The following XPO6 variants were observed in gnomAD, a reference collection of about 807,000 sequenced individuals.
XPO6 encodes the protein exportin 6, also known as exportin-6.
XPO6 carries 3 observed loss-of-function variants against 130.0 expected under a neutral mutation model. That is an observed-to-expected ratio of 0.02 (90% CI 0.01 to 0.06). The LOEUF (loss-of-function observed/expected upper bound fraction) is 0.06, where lower values mean the gene tolerates loss of function less well. XPO6 is among the 10% of genes least tolerant of loss of function. The probability of loss-of-function intolerance (pLI) is 1.00; values close to 1 mark genes in which losing one functional copy is unlikely to be tolerated. For synonymous variants in XPO6, 524 were observed against 548.9 expected (o/e 0.95, Z 0.63); for missense variants, 970 against 1,393.0 (o/e 0.70, Z 4.83).
intron 6 of XPO6, among the ~76,000 whole-genome samples, chr16:28,161,578 A>C (rs900572460): frequency 2.0e-5 from 3 of 152,216 alleles, no homozygotes; most frequent in Non-Finnish European, 4.4e-5. Flanking sequence ...AAGGAAAAAA[A>C]AAAACAAAAC....
At chr16:28,191,433 C>A (rs1250572591) in intron 1 of XPO6, among the ~76,000 whole-genome samples, 2 of 152,200 alleles carry the variant, frequency 1.3e-5, no homozygotes, top group Non-Finnish European at 2.9e-5. Context: ...ATGTTTATAT[C>A]TGCATGCCTA....
At chr16:28,133,735 TAGAGGGGAA>T (rs1231114724) in intron 11 of XPO6, 97 bp downstream of exon 11, 2 of 968,960 alleles carry the variant, frequency 2.1e-6, no homozygotes, top group Non-Finnish European at 1.6e-6. Flanking sequence ...AAAAATTACA[TAGAGGGGAA>T]AGAGGGGAGA....
At chr16:28,177,959 C>G (rs2043558534) in intron 2 of XPO6, among the ~76,000 whole-genome samples, 1 of 152,174 alleles carries the variant, frequency 6.6e-6, no homozygotes, top group South Asian at 2.1e-4. Flanking sequence ...TAGCCCTGTC[C>G]ACACATCACG....
chr16:28,145,552 ATTTTCCTATATC>A (rs896495715), intron 9 of XPO6, among the ~76,000 whole-genome samples: 33 of 152,122 alleles, frequency 2.2e-4, no homozygotes, highest in African/African-American at 6.8e-4. Flanking sequence ...TCTTCCTTAC[ATTTTCCTATATC>A]TTTTCCTAGA....
intron 6 of XPO6, among the ~76,000 whole-genome samples, chr16:28,157,290 C>T (rs2043198939): frequency 6.6e-6 from 1 of 152,034 alleles, no homozygotes; most frequent in African/African-American, 2.4e-5. Flanking sequence ...AACCCTGTCT[C>T]TAGTAAAATA....
intron 6 of XPO6, among the ~76,000 whole-genome samples, chr16:28,158,117 A>G (rs2043212033): frequency 6.6e-6 from 1 of 152,190 alleles, no homozygotes; most frequent in South Asian, 2.1e-4. Flanking sequence ...AAGAAACAGA[A>G]TGACAGTTTT....
At chr16:28,171,026 GT>G (rs1244285485) in intron 4 of XPO6, among the ~76,000 whole-genome samples, 1 of 149,692 alleles carries the variant, frequency 6.7e-6, no homozygotes, top group Non-Finnish European at 1.5e-5. Context: ...AGCACTTCAA[GT>G]TTTTCCTTAA....
At chr16:28,109,888 A>T (rs1473397576) in intron 17 of XPO6, among the ~76,000 whole-genome samples, 1 of 152,240 alleles carries the variant, frequency 6.6e-6, no homozygotes, top group African/African-American at 2.4e-5. Flanking sequence ...GTCAGAGATG[A>T]AGTGTCAATT....
chr16:28,166,623 A>T, intron 5 of XPO6, 38 bp from the exon 6 acceptor site: 5 of 1,554,600 alleles, frequency 3.2e-6, no homozygotes, highest in Non-Finnish European at 4.4e-6. Flanking sequence ...AAGAGAAATA[A>T]TGTCCAGCAT....
In XPO6 at chr16:28,135,306, C is replaced by A; in HGVS notation, c.1353G>T (p.Val451=). The A allele has an allele frequency of 6.2e-7, 1 of 1,613,696 alleles. No homozygotes were observed. Among genetic ancestry groups the A allele is most frequent in the Non-Finnish European group, 8.5e-7 (1 of 1,179,794 alleles). The part of the protein sequence containing the change: ...AVLNRYEDAL[V]LLLTEVLNRI... ...GATTCAACACCTCTGTGAGCAGGAG[C>A]ACCAGGGCATCTTCGTACCTATGTG... Residue 451 remains valine (V), a synonymous_variant, in exon 10 of 24, where the codon GTG becomes GTT. Transcript: ENST00000304658.
chr16:28,185,532 A>G (rs1163533144), intron 1 of XPO6, among the ~76,000 whole-genome samples: 5 of 152,202 alleles, frequency 3.3e-5, no homozygotes, highest in Non-Finnish European at 7.3e-5. Context: ...CTGTGTAAAT[A>G]TATACTGCAA....
intron 17 of XPO6, chr16:28,111,550 T>G (rs1051551430): frequency 8.0e-6 from 3 of 374,702 alleles, no homozygotes; most frequent in Admixed American, 4.1e-5. Flanking sequence ...CACCAGTGTC[T>G]TCCATTTTTT....
chr16:28,152,756 C>A lies in XPO6; in HGVS notation c.1127G>T (p.Arg376Leu), dbSNP rs1057418870. ...SYIEKFTDFL[R>L]LFVSVHLRRI... ...TCTTAGGTGAACACTCACAAAGAGC[C>A]GAAGAAAGTCAGTAAACTTCTCGAT... The change falls in exon 8 of 24, where the codon CGG becomes CTG. Residue 376 changes from arginine (R) to leucine (L), a missense_variant. Physicochemically the swap from Arg to Leu is moderately radical, Grantham distance 102 (BLOSUM62 -2). Coordinates refer to ENST00000304658, the MANE Select transcript of XPO6 (RefSeq NM_015171.4). 3.7e-6 allele frequency: 6 copies of A among 1,612,720 alleles called. No individual in the cohort carries two copies. The highest frequency in any genetic ancestry group is 1.1e-5 in the South Asian group (1 of 90,792).
chr16:28,131,122 T>C (rs1309322668), intron 12 of XPO6, among the ~76,000 whole-genome samples: 1 of 152,222 alleles, frequency 6.6e-6, no homozygotes, highest in East Asian at 1.9e-4. Context: ...TATAAGCATG[T>C]TTGTTTTGAA....
At chr16:28,182,888 TGAAAAAAG>T (rs11278430) in intron 1 of XPO6, among the ~76,000 whole-genome samples, 43,301 of 151,792 alleles carry the variant, frequency 0.29, 6,219 homozygotes, top group Middle Eastern at 0.33. Flanking sequence ...CCATTTCATT[TGAAAAAAG>T]GATTTGCTAT....
chr16:28,200,475 C>T (rs1439724813), intron 1 of XPO6, among the ~76,000 whole-genome samples: 1 of 151,940 alleles, frequency 6.6e-6, no homozygotes, highest in African/African-American at 2.4e-5. Context: ...AGTCATACTA[C>T]TTTTTCTTTC....
chr16:28,199,644 A>G (rs576088721), intron 1 of XPO6, among the ~76,000 whole-genome samples: 1 of 151,824 alleles, frequency 6.6e-6, no homozygotes, highest in African/African-American at 2.4e-5. Context: ...TCAGCCCACT[A>G]CAACCTCCAC....
rs531247168 is a variant in XPO6 at position 28,151,641 on chromosome 16, A to G, written c.1224+1018T>C. ...ACTTCTTGACTTAGGTGATGGTTAC[A>G]TGCATATGTCAATTTGGGGAAAACT... is the stretch of plus-strand genomic sequence containing the variant. On this transcript the variant is annotated intron_variant, in intron 8 of 23. Coordinates refer to ENST00000304658, the MANE Select transcript of XPO6 (RefSeq NM_015171.4). Among the ~76,000 whole-genome samples, 502 of 152,326 alleles carry G rather than the reference A, an allele frequency of 3.3e-3. 9 individuals are homozygous for G. The highest frequency in any genetic ancestry group is 0.01 in the Middle Eastern group (3 of 294).
chr16:28,199,747 T>A (rs1248583942), intron 1 of XPO6, among the ~76,000 whole-genome samples: 2 of 152,140 alleles, frequency 1.3e-5, no homozygotes, highest in East Asian at 3.9e-4. Flanking sequence ...GTTTCACTTA[T>A]GTTGGCCAGG....
Sources: gnomAD v4.1 joint callset for allele counts (sites outside exome capture counted in the v4.1 genomes callset) on GRCh38, gnomAD v4.1.1 for gene constraint, MANE v1.5 for transcripts, NCBI Gene and HGNC (gene_info 2026-07-23, HGNC 2026-07-21) for gene names.